Variants in COLGALT2 observed in about 807,000 individuals in gnomAD.
The protein encoded by COLGALT2 is collagen beta(1-O)galactosyltransferase 2, also known as procollagen galactosyltransferase 2.
COLGALT2 carries 49 observed loss-of-function variants against 73.4 expected under a neutral mutation model. The observed-to-expected ratio is 0.67, with a 90% CI of 0.53 to 0.85. The LOEUF is 0.85. Among genes scored for constraint, COLGALT2 ranks in the 40% least tolerant of loss-of-function variants. The pLI is 0.00. For synonymous variants in COLGALT2, 295 were observed against 307.6 expected (o/e 0.96, Z 0.43); for missense variants, 722 against 790.2 (o/e 0.91, Z 1.03).
At chr1:184,014,707 T>C (rs1572678155) in intron 1 of COLGALT2, among the ~76,000 whole-genome samples, 1 of 152,136 alleles carries the variant, frequency 6.6e-6, no homozygotes, top group South Asian at 2.1e-4. Flanking sequence ...ACTGGGAGGA[T>C]GGGTCAAGGA....
rs535233856 is a variant in COLGALT2 at position 183,938,128 on chromosome 1, C to T, written c.*633G>A. The T allele has an allele frequency of 1.0e-6, 1 of 985,758 alleles. No individual in the cohort carries two copies. Among genetic ancestry groups the T allele is most frequent in the Non-Finnish European group, 1.2e-6 (1 of 830,238 alleles). 61.1% of individuals were successfully genotyped at this position (985,758 alleles called of 1,614,324 possible). A position where few individuals can be genotyped will look rare whatever the true frequency, so the allele number is the denominator to read the frequency against. ...CACCTCTATATGAGAACTCCAACTG[C>T]CATGATGGTCACAGGCCAAGTCTCA... On this transcript the variant is annotated 3_prime_UTR_variant, in exon 12 of 12. Coordinates refer to ENST00000361927, the MANE Select transcript of COLGALT2 (RefSeq NM_015101.4).
Position 183,938,124 on chromosome 1 carries a change from A to C in COLGALT2, c.*637T>G. 1.0e-6 allele frequency: 1 copy of C among 985,770 alleles called. No individual in the cohort carries two copies. The highest frequency in any genetic ancestry group is 1.2e-6 in the Non-Finnish European group (1 of 830,222). The allele number at this position is 985,770 out of a possible 1,614,324, so 61.1% of individuals were successfully genotyped here. ...TGGTCACCTCTATATGAGAACTCCA[A>C]CTGCCATGATGGTCACAGGCCAAGT... is the stretch of plus-strand genomic sequence containing the variant. On this transcript the variant is annotated 3_prime_UTR_variant, in exon 12 of 12. Coordinates refer to ENST00000361927, the MANE Select transcript of COLGALT2 (RefSeq NM_015101.4).
intron 8 of COLGALT2, chr1:183,945,790 C>T: frequency 1.8e-6 from 1 of 557,198 alleles, no homozygotes. Context: ...CTCATAGTGC[C>T]CAACATAGTT....
intron 8 of COLGALT2, among the ~76,000 whole-genome samples, chr1:183,948,016 G>A (rs1670296506): frequency 6.6e-6 from 1 of 151,820 alleles, no homozygotes; most frequent in African/African-American, 2.4e-5. Context: ...TTGATAGGAA[G>A]GTACAAACTA....
intron 1 of COLGALT2, among the ~76,000 whole-genome samples, chr1:183,998,411 C>T (rs4651163): frequency 0.096 from 14,574 of 152,104 alleles, 881 homozygotes; most frequent in Admixed American, 0.17. Context: ...ATTTCTCTGT[C>T]GGTTGGTTGA....
intron 9 of COLGALT2, among the ~76,000 whole-genome samples, chr1:183,945,166 C>T (rs1160750756): frequency 2.0e-5 from 3 of 152,214 alleles, no homozygotes; most frequent in African/African-American, 7.2e-5. Context: ...GGCATTCCTG[C>T]TAATGATGAT....
intron 5 of COLGALT2, among the ~76,000 whole-genome samples, chr1:183,966,043 T>C (rs961155937): frequency 6.6e-6 from 1 of 152,198 alleles, no homozygotes; most frequent in Non-Finnish European, 1.5e-5. Context: ...TGCATGCATA[T>C]TATTTAACAT....
At chr1:184,025,105 G>A (rs1649295245) in intron 1 of COLGALT2, among the ~76,000 whole-genome samples, 1 of 152,228 alleles carries the variant, frequency 6.6e-6, no homozygotes, top group African/African-American at 2.4e-5. Flanking sequence ...AAGCTGTTAA[G>A]ATTCAGAACC....
chr1:183,968,133 C>A (rs1258527567), intron 5 of COLGALT2, among the ~76,000 whole-genome samples: 1 of 152,132 alleles, frequency 6.6e-6, no homozygotes, highest in Non-Finnish European at 1.5e-5. Context: ...CCATCTTTTC[C>A]ACCCTCAGTT....
chr1:183,963,718 C>T lies in COLGALT2; in HGVS notation c.952+183G>A, dbSNP rs1670785093. ...TGGGAAGCTCCCACATGGCAAAGAC[C>T]TTGTCATATTCATATTTCCCATAGG... is the stretch of plus-strand genomic sequence containing the variant. On this transcript the variant is annotated intron_variant, in intron 6 of 11. Coordinates refer to ENST00000361927, the MANE Select transcript of COLGALT2 (RefSeq NM_015101.4). 3.3e-5 allele frequency among the ~76,000 whole-genome samples: 5 copies of T among 152,292 alleles called. No homozygotes were observed. The South Asian group carries it at 1.0e-3, about 32-fold the overall frequency.
At chr1:184,031,653 A>G (rs1649513420) in intron 1 of COLGALT2, among the ~76,000 whole-genome samples, 1 of 152,208 alleles carries the variant, frequency 6.6e-6, no homozygotes, top group South Asian at 2.1e-4. Flanking sequence ...TCCACCATGC[A>G]TTAGCCTAGT....
chr1:184,037,069 G>A lies in COLGALT2; in HGVS notation c.263+26C>T, dbSNP rs749652360. 3.0e-5 allele frequency: 44 copies of A among 1,474,460 alleles called. 1 individual carries two copies. The Middle Eastern group carries it at 2.7e-3, about 91-fold the overall frequency. 91.3% of individuals were successfully genotyped at this position (1,474,460 alleles called of 1,614,324 possible). A position where few individuals can be genotyped will look rare whatever the true frequency, so the allele number is the denominator to read the frequency against. On this transcript the variant is annotated intron_variant, in intron 1 of 11. Transcript: ENST00000361927. ...CAGGCCGCCCCCGCGTCCCGCCGCGGCGGCCCGGGGCCCGTGCGCGCTCAC... is the reference window on the plus strand; with the variant it reads ...CAGGCCGCCCCCGCGTCCCGCCGCGACGGCCCGGGGCCCGTGCGCGCTCAC...
chr1:183,950,923 G>A (rs1670378366), intron 8 of COLGALT2, 84 bp downstream of exon 8: 2 of 988,858 alleles, frequency 2.0e-6, no homozygotes, highest in African/African-American at 1.6e-5. Context: ...GAGACTTAGA[G>A]CCCCACCTGG....
At chr1:183,955,156 C>T (rs1670518758) in intron 6 of COLGALT2, among the ~76,000 whole-genome samples, 1 of 152,138 alleles carries the variant, frequency 6.6e-6, no homozygotes, top group East Asian at 1.9e-4. Flanking sequence ...TGGGTCCAAA[C>T]CTTGGTTTGC....
intron 5 of COLGALT2, among the ~76,000 whole-genome samples, chr1:183,964,652 A>C (rs1265237309): frequency 6.6e-6 from 1 of 152,242 alleles, no homozygotes; most frequent in African/African-American, 2.4e-5. Context: ...TCCTGTTAAG[A>C]ACCTGTAGTG....
chr1:184,003,391 AC>A (rs1307787703), intron 1 of COLGALT2, among the ~76,000 whole-genome samples: 2 of 152,118 alleles, frequency 1.3e-5, no homozygotes, highest in Non-Finnish European at 2.9e-5. Context: ...ACATGGAGAG[AC>A]CATGTGCTCT....
At position 183,944,695 on chromosome 1, in the gene COLGALT2, T is replaced by A. The variant is rs143330731; in HGVS notation, c.1270-372A>T. Among the ~76,000 whole-genome samples, 5 of 151,064 alleles carry A rather than the reference T, an allele frequency of 3.3e-5. No individual in the cohort carries two copies. In the East Asian group the frequency reaches 9.8e-4, roughly 30 times the overall value. ...CAGAAGGCAGTACGGGGTGGGGGGG[T>A]GCTTGTGGGATGCTGGTTACCTGCT... On this transcript the variant is annotated intron_variant, in intron 9 of 11. Transcript: ENST00000361927.
chr1:183,948,747 T>C (rs530442802), intron 8 of COLGALT2, among the ~76,000 whole-genome samples: 58 of 152,284 alleles, frequency 3.8e-4, no homozygotes, highest in African/African-American at 1.3e-3. Flanking sequence ...AAGAAATAAA[T>C]GGTATCCAGG....
At chr1:184,014,997 T>C (rs1648953900) in intron 1 of COLGALT2, among the ~76,000 whole-genome samples, 1 of 152,048 alleles carries the variant, frequency 6.6e-6, no homozygotes, top group Non-Finnish European at 1.5e-5. Context: ...ATTCACCCTG[T>C]GTGACAAAAT....
Sources: gnomAD v4.1 joint callset for allele counts (sites outside exome capture counted in the v4.1 genomes callset) on GRCh38, gnomAD v4.1.1 for gene constraint, MANE v1.5 for transcripts, NCBI Gene and HGNC (gene_info 2026-07-23, HGNC 2026-07-21) for gene names.